The following RGL3 variants were observed in gnomAD, a reference collection of about 807,000 sequenced individuals.
RGL3 encodes ral guanine nucleotide dissociation stimulator like 3, also known as ral guanine nucleotide dissociation stimulator-like 3.
In RGL3, 85 loss-of-function variants were observed where a neutral mutation model predicts 90.6. The observed-to-expected ratio is 0.94, with a 90% CI of 0.79 to 1.12. The LOEUF (loss-of-function observed/expected upper bound fraction) is 1.12. RGL3 is among the 50% of genes most tolerant of loss of function. The pLI, the probability that RGL3 is intolerant of heterozygous loss-of-function variation, is 0.00. For synonymous variants in RGL3, 408 were observed against 385.5 expected (o/e 1.06, Z -0.68); for missense variants, 1,034 against 939.2 (o/e 1.10, Z -1.32).
chr19:11,404,375 A>G (rs1301994099), intron 9 of RGL3, among the ~76,000 whole-genome samples: 1 of 152,168 alleles, frequency 6.6e-6, no homozygotes, highest in Non-Finnish European at 1.5e-5. Flanking sequence ...CAAATACAAA[A>G]ATTAGCCAAG....
rs201163471 is a variant in RGL3 at position 11,415,986 on chromosome 19, C to A, written c.588G>T (p.Leu196Phe). 2.5e-6 allele frequency: 4 copies of A among 1,613,864 alleles called. No individual in the cohort carries two copies. The highest frequency in any genetic ancestry group is 3.4e-6 in the Non-Finnish European group (4 of 1,179,958). ...QKAEKLLEDF[L>F]EEAEREQEEE... ...CTTCCTGCTCTCGCTCAGCCTCCTC[C>A]AAAAAATCTTCCAGAAGCTTCTCTG... The change falls in exon 5 of 19, where the codon TTG (leucine) becomes TTT (phenylalanine). Residue 196 changes from leucine (L) to phenylalanine (F), a missense_variant. By Grantham distance (22) the Leu-to-Phe change is conservative. Coordinates refer to ENST00000380456, the MANE Select transcript of RGL3 (RefSeq NM_001035223.4).
Position 11,397,507 on chromosome 19 carries a change from C to T in RGL3, c.1837G>A (p.Glu613Lys). The T allele has an allele frequency of 1.9e-6, 3 of 1,613,652 alleles. No homozygotes were observed. Among genetic ancestry groups the T allele is most frequent in the South Asian group, 2.2e-5 (2 of 91,062 alleles). Reference sequence around the variant, plus strand: ...ATGCTGACGCGGATGACACGGGCCTCCGAGCTCTGCTGCGCCGGGAGGGGG... The same window carrying T: ...ATGCTGACGCGGATGACACGGGCCTTCGAGCTCTGCTGCGCCGGGAGGGGG... The part of the protein sequence containing the change: ...RIPLPAQQSS[E>K]ARVIRVSIDN... Residue 613 changes from glutamate to lysine, a missense_variant, in exon 17 of 19, where the codon GAG becomes AAG. Transcript: ENST00000380456.
intron 7 of RGL3, among the ~76,000 whole-genome samples, chr19:11,405,629 A>G (rs982522329): frequency 2.1e-5 from 3 of 143,316 alleles, no homozygotes; most frequent in African/African-American, 7.7e-5. Context: ...AGCGATCCAC[A>G]TGCCTCAGCC....
Position 11,405,225 on chromosome 19 carries a change from C to A in RGL3, c.1107G>T (p.Pro369=). ...KRSWGAVSRE[P]LSTFRKLSQI... is the part of the protein sequence containing the mutation. ...GCGAAAGTTTCCTGAAAGTAGATAGCGGTTCCCTGGAAGGACAGGAGAAGG... is the reference window on the plus strand; with the variant it reads ...GCGAAAGTTTCCTGAAAGTAGATAGAGGTTCCCTGGAAGGACAGGAGAAGG... Residue 369 remains proline, a synonymous_variant, in exon 9 of 19, where the codon CCG becomes CCT. Transcript: ENST00000380456. The A allele has an allele frequency of 6.2e-7, 1 of 1,613,988 alleles. No homozygotes were observed.
chr19:11,397,149 G>A, intron 18 of RGL3, 95 bp downstream of exon 18: 5 of 1,010,550 alleles, frequency 4.9e-6, no homozygotes, highest in Non-Finnish European at 7.5e-6. Context: ...ACAGCCCTGT[G>A]AACCCGGGTA....
chr19:11,409,553 T>G (rs945305710), intron 5 of RGL3, among the ~76,000 whole-genome samples: 3 of 152,192 alleles, frequency 2.0e-5, no homozygotes, highest in Non-Finnish European at 4.4e-5. Flanking sequence ...TGCAATAATA[T>G]GCACCTAGAA....
chr19:11,416,981 G>A lies in RGL3; in HGVS notation c.226C>T (p.Arg76Trp), dbSNP rs200127777. 92 of 1,613,870 alleles carry A rather than the reference G, an allele frequency of 5.7e-5. No individual in the cohort carries two copies. Among genetic ancestry groups the A allele is most frequent in the Non-Finnish European group, 7.0e-5 (83 of 1,179,998 alleles). The change falls in exon 3 of 19, where the codon CGG (arginine) becomes TGG (tryptophan). Residue 76 changes from arginine (R) to tryptophan (W), a missense_variant. Arg to Trp is a moderately radical substitution (Grantham distance 101, BLOSUM62 -3). Transcript: ENST00000380456. ...VRVLRAARLERLVGELVFGDR... is the reference protein window; with the variant it reads ...VRVLRAARLEWLVGELVFGDR... ...CCAAACACCAACTCTCCCACCAGCC[G>A]CTCCAGGCGCGCTGCCCTCAGCACC...
intron 16 of RGL3, 196 bp from the exon 17 acceptor site, chr19:11,397,793 G>C: frequency 2.2e-6 from 1 of 462,470 alleles, no homozygotes; most frequent in Non-Finnish European, 3.7e-6. Context: ...CGGATCACTT[G>C]AGGTCGGGAG....
chr19:11,401,590 G>A (rs1421023544), intron 13 of RGL3, among the ~76,000 whole-genome samples: 2 of 151,596 alleles, frequency 1.3e-5, no homozygotes, highest in South Asian at 2.1e-4. Flanking sequence ...TAGTAGAGAC[G>A]GGGTTTCACT....
At position 11,416,042 on chromosome 19, in the gene RGL3, C is replaced by A; in HGVS notation, c.532G>T (p.Ala178Ser). Residue 178 changes from alanine to serine, a missense_variant, in exon 5 of 19, where the codon GCG (alanine) becomes TCG (serine). Ala to Ser is a moderately conservative substitution (Grantham distance 99, BLOSUM62 1). Coordinates refer to ENST00000380456, the MANE Select transcript of RGL3 (RefSeq NM_001035223.4). ...LGSVRTFLGW[A>S]APGSAEAQKA... ...TGAGCCTCAGCACTCCCTGGGGCCG[C>A]CCAGCCCAGAAAGGTTCGGACACTG... 2 of 1,613,932 alleles carry A rather than the reference C, an allele frequency of 1.2e-6. No individual in the cohort carries two copies. The highest frequency in any genetic ancestry group is 1.7e-6 in the Non-Finnish European group (2 of 1,179,990).
In RGL3 at chr19:11,397,319, C is replaced by A; in HGVS notation, c.1939G>T (p.Ala647Ser). 1 of 1,610,398 alleles carries A rather than the reference C, an allele frequency of 6.2e-7. No individual in the cohort carries two copies. Among genetic ancestry groups the A allele is most frequent in the Non-Finnish European group, 8.5e-7 (1 of 1,178,234 alleles). The part of the protein sequence containing the change: ...QDKAPSVVRR[A>S]LQKHNVPQPW... ...TGGGGCACATTGTGCTTCTGCAAGGCTCGCCGGACCACGCTGGGGGCTTTG... is the reference window on the plus strand; with the variant it reads ...TGGGGCACATTGTGCTTCTGCAAGGATCGCCGGACCACGCTGGGGGCTTTG... Residue 647 changes from alanine (A) to serine (S), a missense_variant, in exon 18 of 19, where the codon GCC becomes TCC. Ala to Ser is a moderately conservative substitution (Grantham distance 99). Coordinates refer to ENST00000380456, the MANE Select transcript of RGL3 (RefSeq NM_001035223.4).
intron 9 of RGL3, among the ~76,000 whole-genome samples, chr19:11,404,241 A>C (rs1968730019): frequency 6.6e-6 from 1 of 151,764 alleles, no homozygotes; most frequent in South Asian, 2.1e-4. Flanking sequence ...AGCCAGGTGA[A>C]ATTTGGCTGG....
intron 1 of RGL3, chr19:11,419,004 C>G (rs1969057414): frequency 7.9e-6 from 5 of 632,390 alleles, no homozygotes; most frequent in Non-Finnish European, 1.4e-5. Context: ...TTGGGGATGT[C>G]CCAGGGCCCA....
At chr19:11,398,118 G>A (rs1436266334) in intron 16 of RGL3, among the ~76,000 whole-genome samples, 1 of 152,268 alleles carries the variant, frequency 6.6e-6, no homozygotes, top group East Asian at 1.9e-4. Context: ...TCACAAGCCT[G>A]CATATACACC....
intron 5 of RGL3, 54 bp downstream of exon 5, chr19:11,415,883 G>A: frequency 2.0e-6 from 3 of 1,464,980 alleles, no homozygotes; most frequent in Non-Finnish European, 2.8e-6. Context: ...TGTGTGGGAA[G>A]AAGCAGACAG....
intron 5 of RGL3, among the ~76,000 whole-genome samples, chr19:11,413,211 C>T (rs796520824): frequency 6.9e-4 from 92 of 133,236 alleles, no homozygotes; most frequent in African/African-American, 2.5e-3. Context: ...TTTGCCTTTG[C>T]TTGACTGGAT....
intron 7 of RGL3, among the ~76,000 whole-genome samples, chr19:11,405,886 AT>A (rs112295181): frequency 7.1e-5 from 10 of 140,924 alleles, no homozygotes; most frequent in African/African-American, 3.0e-4. Flanking sequence ...CTCATTTTTA[AT>A]TTTTTTAATT....
chr19:11,400,697 CA>C (rs1044302917), intron 13 of RGL3, among the ~76,000 whole-genome samples: 3 of 150,824 alleles, frequency 2.0e-5, no homozygotes, highest in African/African-American at 7.3e-5. Context: ...ACTAAAAATA[CA>C]AAAAAAATTA....
chr19:11,410,495 G>A (rs948585903), intron 5 of RGL3, among the ~76,000 whole-genome samples: 2 of 151,634 alleles, frequency 1.3e-5, no homozygotes, highest in Non-Finnish European at 1.5e-5. Context: ...CAGCCTGGGC[G>A]GCGTAGTGAG....
Sources: gnomAD v4.1 joint callset for allele counts (sites outside exome capture counted in the v4.1 genomes callset) on GRCh38, gnomAD v4.1.1 for gene constraint, MANE v1.5 for transcripts, NCBI Gene and HGNC (gene_info 2026-07-23, HGNC 2026-07-21) for gene names.